Variants in AFF3 observed in about 807,000 individuals in gnomAD.
AFF3 encodes the protein ALF transcription elongation factor 3, also known as AF4/FMR2 family member 3.
AFF3 carries 32 observed loss-of-function variants against 129.7 expected under a neutral mutation model. The observed-to-expected ratio is 0.25, with a 90% CI of 0.19 to 0.33. The LOEUF is 0.33. Among genes scored for constraint, AFF3 ranks in the 10% least tolerant of loss-of-function variants. The pLI is 1.00. For synonymous variants in AFF3, 644 were observed against 635.4 expected, an observed-to-expected ratio of 1.01 and a Z score of -0.20; for missense variants, 1,373 against 1,592.0, an observed-to-expected ratio of 0.86 and a Z score of 2.34.
At chr2:100,105,761 G>GC (rs1279121725) in intron 2 of AFF3, 178 bp from the exon 3 acceptor site, 1 of 1,361,306 alleles carries the variant, frequency 7.3e-7, no homozygotes, top group East Asian at 3.7e-5. Flanking sequence ...CCCCTCCAAG[G>GC]CCCCCTGACT....
At chr2:99,869,766 T>TG (rs1186701890) in intron 7 of AFF3, among the ~76,000 whole-genome samples, 1 of 152,124 alleles carries the variant, frequency 6.6e-6, no homozygotes, top group Non-Finnish European at 1.5e-5. Flanking sequence ...CAAAGGGTTC[T>TG]GGGGGAGATT....
At chr2:99,855,142 A>T (rs2105888892) in intron 7 of AFF3, among the ~76,000 whole-genome samples, 1 of 152,330 alleles carries the variant, frequency 6.6e-6, no homozygotes, top group African/African-American at 2.4e-5. Flanking sequence ...AAATCGTTAA[A>T]ATTAAATACT....
At chr2:100,113,366 C>T (rs1048805662) in intron 2 of AFF3, among the ~76,000 whole-genome samples, 3 of 152,170 alleles carry the variant, frequency 2.0e-5, no homozygotes, top group Non-Finnish European at 4.4e-5. Flanking sequence ...CTTCTTGATT[C>T]AGTTAGGTGC....
chr2:100,108,678 G>C (rs1691407285), intron 2 of AFF3, among the ~76,000 whole-genome samples: 1 of 152,142 alleles, frequency 6.6e-6, no homozygotes, highest in Non-Finnish European at 1.5e-5. Context: ...CAATACCCCG[G>C]TCGAGGGCTG....
At chr2:99,912,581 G>T (rs1156620232) in intron 7 of AFF3, among the ~76,000 whole-genome samples, 1 of 152,106 alleles carries the variant, frequency 6.6e-6, no homozygotes, top group Non-Finnish European at 1.5e-5. Flanking sequence ...AAACATAGTT[G>T]TATTTCTCAC....
chr2:99,985,563 A>G (rs1679786362), intron 7 of AFF3, among the ~76,000 whole-genome samples: 1 of 152,244 alleles, frequency 6.6e-6, no homozygotes, highest in Non-Finnish European at 1.5e-5. Context: ...GGTAAGGATA[A>G]ATTAATGGAA....
At chr2:100,053,988 G>A (rs1344688525) in intron 4 of AFF3, among the ~76,000 whole-genome samples, 1 of 152,152 alleles carries the variant, frequency 6.6e-6, no homozygotes, top group Non-Finnish European at 1.5e-5. Flanking sequence ...AATGGCTGCA[G>A]TTCTCCATCC....
At chr2:99,982,387 G>C (rs62149302) in intron 7 of AFF3, among the ~76,000 whole-genome samples, 25,726 of 152,066 alleles carry the variant, frequency 0.17, 2,659 homozygotes, top group African/African-American at 0.27. Context: ...GCTCCTTCTT[G>C]CCTTGCCTTC....
At chr2:99,971,665 A>G (rs1027021459) in intron 7 of AFF3, among the ~76,000 whole-genome samples, 1 of 151,790 alleles carries the variant, frequency 6.6e-6, no homozygotes, top group African/African-American at 2.4e-5. Context: ...TGTATTGAAA[A>G]CTCTAAGCAG....
Position 99,683,772 on chromosome 2 carries a change from C to T in AFF3, c.1092-11183G>A, listed in dbSNP as rs144642285. On this transcript the variant is annotated intron_variant, in intron 11 of 24. Coordinates refer to ENST00000672756, the MANE Select transcript of AFF3 (RefSeq NM_001386135.1). ...AACTTCTTAATTTCTCGACCACCTCCGACGAGCACATTCTAGGTGCCAGAG... is the reference window on the plus strand; with the variant it reads ...AACTTCTTAATTTCTCGACCACCTCTGACGAGCACATTCTAGGTGCCAGAG... 4.3e-3 allele frequency among the ~76,000 whole-genome samples: 654 copies of T among 152,292 alleles called. 4 individuals carry two copies. Among genetic ancestry groups the T allele is most frequent in the African/African-American group, 0.015 (616 of 41,564 alleles).
At chr2:99,973,044 T>C (rs936259400) in intron 7 of AFF3, among the ~76,000 whole-genome samples, 13 of 152,228 alleles carry the variant, frequency 8.5e-5, no homozygotes, top group African/African-American at 3.1e-4. Context: ...TTTGATATAC[T>C]TGATCTGATC....
intron 15 of AFF3, 51 bp from the exon 16 acceptor site, chr2:99,587,329 A>G: frequency 6.2e-7 from 1 of 1,606,390 alleles, no homozygotes; most frequent in Non-Finnish European, 8.5e-7. Context: ...AAGAGGTATT[A>G]TGAGTTCCCA....
At chr2:99,597,693 T>C (rs931877744) in intron 14 of AFF3, among the ~76,000 whole-genome samples, 4 of 152,364 alleles carry the variant, frequency 2.6e-5, no homozygotes, top group Non-Finnish European at 5.9e-5. Flanking sequence ...CAGAGTTTAG[T>C]GGCAGTGAGG....
chr2:100,076,312 G>C (rs1184687667), intron 4 of AFF3, among the ~76,000 whole-genome samples: 2 of 152,142 alleles, frequency 1.3e-5, no homozygotes, highest in Non-Finnish European at 2.9e-5. Flanking sequence ...TTCTGCTGCA[G>C]AGAACTCTAA....
chr2:99,884,144 C>G (rs1278689893), intron 7 of AFF3, among the ~76,000 whole-genome samples: 2 of 152,052 alleles, frequency 1.3e-5, no homozygotes, highest in Non-Finnish European at 2.9e-5. Flanking sequence ...CTTGAGCAGA[C>G]AACTATTTTT....
intron 19 of AFF3, among the ~76,000 whole-genome samples, chr2:99,566,737 C>A (rs1676005233): frequency 6.6e-6 from 1 of 152,186 alleles, no homozygotes; most frequent in African/African-American, 2.4e-5. Flanking sequence ...CATATTCTAA[C>A]TCTGGATTGC....
intron 8 of AFF3, among the ~76,000 whole-genome samples, chr2:99,805,233 G>C (rs1161156122): frequency 6.6e-6 from 1 of 152,094 alleles, no homozygotes. Flanking sequence ...GGTTTCAAAG[G>C]CAAAATGTTA....
intron 7 of AFF3, among the ~76,000 whole-genome samples, chr2:99,984,490 T>G (rs1263774548): frequency 1.3e-5 from 2 of 152,220 alleles, no homozygotes; most frequent in Non-Finnish European, 2.9e-5. Flanking sequence ...GCTTAAGAAC[T>G]AACCTGAAAG....
intron 13 of AFF3, among the ~76,000 whole-genome samples, chr2:99,609,422 T>C (rs1344302211): frequency 6.6e-6 from 1 of 152,168 alleles, no homozygotes; most frequent in Non-Finnish European, 1.5e-5. Flanking sequence ...CATTGTATCA[T>C]TCTTATGCCT....
Sources: gnomAD v4.1 joint callset for allele counts (sites outside exome capture counted in the v4.1 genomes callset) on GRCh38, gnomAD v4.1.1 for gene constraint, MANE v1.5 for transcripts, NCBI Gene and HGNC (gene_info 2026-07-23, HGNC 2026-07-21) for gene names.